ARHGAP28: variants seen among roughly 807,000 people sequenced by gnomAD.
ARHGAP28 encodes Rho GTPase activating protein 28, also known as rho GTPase-activating protein 28.
ARHGAP28 carries 56 observed loss-of-function variants against 90.7 expected under a neutral mutation model. The observed-to-expected ratio is 0.62, with a 90% CI of 0.50 to 0.77. ARHGAP28 has a LOEUF of 0.77. Among genes scored for constraint, ARHGAP28 ranks in the 30% least tolerant of loss-of-function variants. The probability of loss-of-function intolerance (pLI) is 0.00; values close to 1 mark genes in which losing one functional copy is unlikely to be tolerated. For missense variants in ARHGAP28, 869 were observed against 900.9 expected (o/e 0.96, Z 0.45); for synonymous variants, 308 against 323.3 (o/e 0.95, Z 0.51).
intron 1 of ARHGAP28, among the ~76,000 whole-genome samples, chr18:6,760,029 A>G (rs958421267): frequency 2.0e-5 from 3 of 152,216 alleles, no homozygotes; most frequent in Non-Finnish European, 4.4e-5. Context: ...GTTCAAACAA[A>G]GAATTCAATG....
chr18:6,898,381 T>A (rs941485561), intron 16 of ARHGAP28: 17 of 769,286 alleles, frequency 2.2e-5, no homozygotes, highest in Non-Finnish European at 3.2e-5. Context: ...ACATTTTATA[T>A]ATAATATATA....
intron 1 of ARHGAP28, among the ~76,000 whole-genome samples, chr18:6,742,052 G>A (rs893784950): frequency 6.6e-6 from 1 of 152,202 alleles, no homozygotes; most frequent in Admixed American, 6.5e-5. Flanking sequence ...ATGGATGGAA[G>A]GGACCGAAGG....
At chr18:6,892,888 T>C (rs372496487) in intron 14 of ARHGAP28, among the ~76,000 whole-genome samples, 196 of 152,368 alleles carry the variant, frequency 1.3e-3, no homozygotes, top group African/African-American at 4.5e-3. Flanking sequence ...CAGTTTCTAA[T>C]TCTGCCTGAG....
At chr18:6,880,505 T>G (rs1376434005) in intron 10 of ARHGAP28, among the ~76,000 whole-genome samples, 1 of 152,228 alleles carries the variant, frequency 6.6e-6, no homozygotes, top group Non-Finnish European at 1.5e-5. Context: ...ACCCTTGCCA[T>G]TCCCGTGCTT....
chr18:6,732,113 T>C (rs890049042), intron 1 of ARHGAP28, among the ~76,000 whole-genome samples: 4 of 146,858 alleles, frequency 2.7e-5, no homozygotes, highest in South Asian at 2.2e-4. Flanking sequence ...TTTTTTTTTT[T>C]CTAGCCTTTT....
chr18:6,899,867 C>T (rs1191409923), intron 16 of ARHGAP28, among the ~76,000 whole-genome samples: 2 of 152,174 alleles, frequency 1.3e-5, no homozygotes, highest in Admixed American at 1.3e-4. Flanking sequence ...CAGTAAGCCC[C>T]AGTGGGGAGC....
At chr18:6,802,078 A>G (rs891210742) in intron 1 of ARHGAP28, among the ~76,000 whole-genome samples, 3 of 152,152 alleles carry the variant, frequency 2.0e-5, no homozygotes, top group African/African-American at 7.2e-5. Flanking sequence ...GTTGCTGCAA[A>G]TGACCAGCTT....
chr18:6,827,208 C>A (rs1322829328), intron 2 of ARHGAP28, among the ~76,000 whole-genome samples: 1 of 152,194 alleles, frequency 6.6e-6, no homozygotes, highest in Non-Finnish European at 1.5e-5. Flanking sequence ...TTGAGTACAC[C>A]TCCCAGACAG....
intron 5 of ARHGAP28, among the ~76,000 whole-genome samples, chr18:6,865,916 A>G (rs1030481938): frequency 6.6e-6 from 1 of 152,206 alleles, no homozygotes; most frequent in Non-Finnish European, 1.5e-5. Flanking sequence ...TGATCACATT[A>G]GGGAAACGGT....
intron 16 of ARHGAP28, among the ~76,000 whole-genome samples, chr18:6,907,464 T>C (rs2057370417): frequency 1.3e-5 from 2 of 150,266 alleles, no homozygotes; most frequent in African/African-American, 4.9e-5. Context: ...ATCTATACCA[T>C]GGAATACTAC....
intron 1 of ARHGAP28, among the ~76,000 whole-genome samples, chr18:6,759,147 G>A (rs2056137757): frequency 6.6e-6 from 1 of 152,162 alleles, no homozygotes; most frequent in African/African-American, 2.4e-5. Context: ...TGGAAAGGAG[G>A]CAAATTCAGA....
rs376774777 is a variant in ARHGAP28, at chr18:6,873,755, G to C, written c.1192G>C (p.Val398Leu). ...CCGAAAGAAAGACCCTGGAGTGAAA[G>C]TTCCCCTGGTATTACAAAAAGTGAG... ...GDRKKDPGVK[V>L]PLVLQKFFEK... is the part of the protein sequence containing the mutation. Residue 398 changes from valine (V) to leucine (L), a missense_variant, in exon 9 of 18, where the codon GTT becomes CTT. Physicochemically the swap from Val to Leu is conservative, Grantham distance 32 (BLOSUM62 1). Transcript: ENST00000383472. The C allele has an allele frequency of 5.6e-6, 9 of 1,613,756 alleles. No individual in the cohort carries two copies. Among genetic ancestry groups the C allele is most frequent in the African/African-American group, 1.3e-5 (1 of 74,862 alleles).
At chr18:6,771,268 T>C (rs2056240744) in intron 1 of ARHGAP28, among the ~76,000 whole-genome samples, 1 of 152,122 alleles carries the variant, frequency 6.6e-6, no homozygotes, top group Non-Finnish European at 1.5e-5. Flanking sequence ...GGTCTCAAAC[T>C]CTTGAGTTCA....
At chr18:6,849,836 C>T (rs1485064717) in intron 3 of ARHGAP28, among the ~76,000 whole-genome samples, 1 of 151,736 alleles carries the variant, frequency 6.6e-6, no homozygotes, top group Non-Finnish European at 1.5e-5. Context: ...TTTTTTCCAT[C>T]ATCATCAGCA....
chr18:6,827,397 G>C (rs553377170), intron 2 of ARHGAP28, among the ~76,000 whole-genome samples: 3 of 146,532 alleles, frequency 2.0e-5, no homozygotes, highest in Non-Finnish European at 3.0e-5. Context: ...GAGATGGGGC[G>C]GCTGGCCGGG....
At chr18:6,845,153 G>T (rs759601376) in intron 3 of ARHGAP28, among the ~76,000 whole-genome samples, 5 of 152,130 alleles carry the variant, frequency 3.3e-5, no homozygotes, top group Non-Finnish European at 7.3e-5. Flanking sequence ...GTCGTAGCTC[G>T]CTGTAACCTG....
chr18:6,889,923 T>C lies in ARHGAP28; in HGVS notation c.1572T>C (p.Asn524=). The part of the protein sequence containing the change: ...LMTFFNKVIA[N]ESKNRMSLWN... ...CATTCTTCAATAAAGTGATTGCCAA[T>C]GAATCAAAAAACCGAATGAGTCTGT... The change falls in exon 13 of 18, where the codon AAT becomes AAC. Residue 524 remains asparagine, a synonymous_variant. Transcript: ENST00000383472. 1 of 1,614,184 alleles carries C rather than the reference T, an allele frequency of 6.2e-7. No individual in the cohort carries two copies. The highest frequency in any genetic ancestry group is 8.5e-7 in the Non-Finnish European group (1 of 1,180,030).
intron 1 of ARHGAP28, among the ~76,000 whole-genome samples, chr18:6,796,442 T>C (rs1206533171): frequency 1.3e-5 from 2 of 152,088 alleles, no homozygotes. Flanking sequence ...TCCTGGCCTC[T>C]GTCTTCAAAG....
At chr18:6,908,846 G>T in intron 16 of ARHGAP28, 114 bp from the exon 17 acceptor site, 1 of 675,570 alleles carries the variant, frequency 1.5e-6, no homozygotes, top group East Asian at 2.8e-5. Flanking sequence ...CAGTTTTGTG[G>T]GACACATTTC....
Sources: gnomAD v4.1 joint callset for allele counts (sites outside exome capture counted in the v4.1 genomes callset) on GRCh38, gnomAD v4.1.1 for gene constraint, MANE v1.5 for transcripts, NCBI Gene and HGNC (gene_info 2026-07-23, HGNC 2026-07-21) for gene names.